CLIP1: variants seen among roughly 807,000 people sequenced by gnomAD.
CLIP1 encodes CAP-Gly domain-containing linker protein 1.
CLIP1 carries 66 observed loss-of-function variants against 161.6 expected under a neutral mutation model. The observed-to-expected ratio is 0.41, with a 90% CI of 0.33 to 0.50. The LOEUF (loss-of-function observed/expected upper bound fraction) is 0.50. CLIP1 is among the 20% of genes least tolerant of loss of function. The pLI is 0.27. For missense variants in CLIP1, 1,376 were observed against 1,702.0 expected (o/e 0.81, Z 3.37); for synonymous variants, 598 against 626.2 (o/e 0.96, Z 0.67).
intron 2 of CLIP1, among the ~76,000 whole-genome samples, chr12:122,379,218 G>A (rs1365579885): frequency 1.3e-5 from 2 of 151,620 alleles, no homozygotes; most frequent in Non-Finnish European, 2.9e-5. Flanking sequence ...TGAGGCAGGA[G>A]AATCGCTTGA....
chr12:122,405,807 G>T (rs1288577570), intron 1 of CLIP1, among the ~76,000 whole-genome samples: 1 of 139,548 alleles, frequency 7.2e-6, no homozygotes, highest in African/African-American at 2.7e-5. Flanking sequence ...GGTTGCTCAC[G>T]GCCGTAATCC....
chr12:122,350,831 C>G (rs1241837941), intron 9 of CLIP1, among the ~76,000 whole-genome samples: 1 of 151,654 alleles, frequency 6.6e-6, no homozygotes, highest in East Asian at 1.9e-4. Context: ...GGCCAGGTCT[C>G]CAGACAAAAA....
intron 8 of CLIP1, among the ~76,000 whole-genome samples, chr12:122,351,905 T>C (rs1168570204): frequency 6.6e-6 from 1 of 152,134 alleles, no homozygotes; most frequent in African/African-American, 2.4e-5. Context: ...GTAAAAGAAG[T>C]TGAAATATAA....
intron 21 of CLIP1, among the ~76,000 whole-genome samples, chr12:122,286,895 G>C (rs567786853): frequency 3.3e-5 from 5 of 152,274 alleles, no homozygotes; most frequent in East Asian, 1.9e-4. Flanking sequence ...CTACTCAGGA[G>C]GGGGAGGCAG....
intron 20 of CLIP1, among the ~76,000 whole-genome samples, chr12:122,303,098 A>G (rs1453107620): frequency 2.0e-5 from 3 of 152,130 alleles, no homozygotes; most frequent in Non-Finnish European, 4.4e-5. Context: ...AGTAGTCTTG[A>G]TCTGGTGTGG....
chr12:122,387,372 G>A (rs1461190115), intron 1 of CLIP1, among the ~76,000 whole-genome samples: 1 of 151,852 alleles, frequency 6.6e-6, no homozygotes, highest in Non-Finnish European at 1.5e-5. Flanking sequence ...GATAAGAACT[G>A]TACATGCTGT....
chr12:122,352,631 C>A, intron 8 of CLIP1, 95 bp downstream of exon 8: 2 of 1,132,764 alleles, frequency 1.8e-6, no homozygotes, highest in East Asian at 2.4e-5. Flanking sequence ...CCTCAGCTGG[C>A]TGTTCTGGCC....
intron 24 of CLIP1, chr12:122,275,644 G>GCGCGCACACA (rs773370301): frequency 4.7e-5 from 7 of 147,538 alleles, no homozygotes; most frequent in African/African-American, 1.8e-4. Context: ...ACACACACGC[G>GCGCGCACACA]CACACACACA....
intron 12 of CLIP1, among the ~76,000 whole-genome samples, chr12:122,335,897 T>C (rs1952194161): frequency 6.6e-6 from 1 of 152,110 alleles, no homozygotes; most frequent in Non-Finnish European, 1.5e-5. Context: ...GTGGAGGACC[T>C]GGGACAGCTG....
At chr12:122,314,198 G>A (rs557572097) in intron 19 of CLIP1, among the ~76,000 whole-genome samples, 94 of 151,496 alleles carry the variant, frequency 6.2e-4, no homozygotes, top group African/African-American at 2.2e-3. Flanking sequence ...GGCTGAGGCA[G>A]GAGAATCGCT....
intron 4 of CLIP1, among the ~76,000 whole-genome samples, chr12:122,361,428 T>TAA (rs1300163091): frequency 6.6e-6 from 1 of 152,176 alleles, no homozygotes; most frequent in Non-Finnish European, 1.5e-5. Context: ...TTGCTGAGAT[T>TAA]CTGCATAAAG....
intron 14 of CLIP1, 125 bp downstream of exon 14, chr12:122,333,902 T>C (rs911932244): frequency 3.2e-6 from 2 of 616,366 alleles, no homozygotes; most frequent in South Asian, 2.1e-5. Context: ...CACATTGTTA[T>C]ATCACCATGA....
intron 2 of CLIP1, among the ~76,000 whole-genome samples, chr12:122,378,345 C>G (rs1954845868): frequency 6.6e-6 from 1 of 152,142 alleles, no homozygotes; most frequent in African/African-American, 2.4e-5. Flanking sequence ...CCTCAGCCTC[C>G]CAAAGTGTTA....
chr12:122,284,542 G>A (rs1955774762), intron 21 of CLIP1, among the ~76,000 whole-genome samples: 1 of 151,916 alleles, frequency 6.6e-6, no homozygotes. Context: ...AGTAGAGACG[G>A]GGTTTCACCA....
At chr12:122,341,762 C>CCTTTTTTTTTTTTT (rs1566143047) in intron 10 of CLIP1, 65 bp from the exon 11 acceptor site, 8 of 96,030 alleles carry the variant, frequency 8.3e-5, no homozygotes, top group East Asian at 3.6e-4. Flanking sequence ...ATTTTCTTTT[C>CCTTTTTTTTTTTTT]TTTTTTTTTT....
At chr12:122,274,467 T>TA (rs923336759) in intron 24 of CLIP1, 8 of 177,060 alleles carry the variant, frequency 4.5e-5, no homozygotes, top group African/African-American at 7.1e-5. Context: ...TTTTATATTT[T>TA]AAAAAAAAAT....
intron 1 of CLIP1, among the ~76,000 whole-genome samples, chr12:122,382,801 T>C (rs1192065434): frequency 6.6e-6 from 1 of 152,164 alleles, no homozygotes; most frequent in African/African-American, 2.4e-5. Flanking sequence ...CAGAAGTCAC[T>C]ATCCTGATTA....
intron 1 of CLIP1, among the ~76,000 whole-genome samples, chr12:122,385,373 G>C (rs1033218861): frequency 6.6e-6 from 1 of 152,188 alleles, no homozygotes; most frequent in Non-Finnish European, 1.5e-5. Flanking sequence ...CTGCAGCGAC[G>C]ACACTGGATG....
At chr12:122,273,438 A>C (rs1203792088) in intron 25 of CLIP1, among the ~76,000 whole-genome samples, 1 of 151,706 alleles carries the variant, frequency 6.6e-6, no homozygotes, top group Non-Finnish European at 1.5e-5. Context: ...TTCAGTAGAG[A>C]TGGGGTTTTG....
Sources: gnomAD v4.1 joint callset for allele counts (sites outside exome capture counted in the v4.1 genomes callset) on GRCh38, gnomAD v4.1.1 for gene constraint, MANE v1.5 for transcripts, NCBI Gene and HGNC (gene_info 2026-07-23, HGNC 2026-07-21) for gene names.